Variants in DGKB observed in about 807,000 individuals in gnomAD.
DGKB encodes diacylglycerol kinase beta.
Under a neutral mutation model 114.3 loss-of-function variants are expected in DGKB, and 67 were observed. That is an observed-to-expected ratio of 0.59 (90% CI 0.48 to 0.72). DGKB has a LOEUF of 0.72. DGKB is among the 30% of genes least tolerant of loss of function. The probability of loss-of-function intolerance (pLI) is 0.00; values close to 1 mark genes in which losing one functional copy is unlikely to be tolerated. For synonymous variants in DGKB, 398 were observed against 323.1 expected, an observed-to-expected ratio of 1.23 and a Z score of -2.49; for missense variants, 907 against 975.2, an observed-to-expected ratio of 0.93 and a Z score of 0.93.
At chr7:14,703,497 C>A (rs1217793248) in intron 6 of DGKB, among the ~76,000 whole-genome samples, 1 of 152,142 alleles carries the variant, frequency 6.6e-6, no homozygotes, top group Non-Finnish European at 1.5e-5. Flanking sequence ...ACTCTAGATA[C>A]CTTTTCTTTA....
At chr7:14,153,445 T>A (rs1782520896) in intron 25 of DGKB, among the ~76,000 whole-genome samples, 1 of 152,020 alleles carries the variant, frequency 6.6e-6, no homozygotes, top group Non-Finnish European at 1.5e-5. Flanking sequence ...CTAACAACTC[T>A]GGGAGGTAGC....
At chr7:14,382,600 A>G (rs960270115) in intron 21 of DGKB, among the ~76,000 whole-genome samples, 1 of 152,216 alleles carries the variant, frequency 6.6e-6, no homozygotes, top group Non-Finnish European at 1.5e-5. Context: ...TAGAAAATTT[A>G]CTGCTGTATT....
At chr7:14,747,685 C>A (rs1833502527) in intron 4 of DGKB, among the ~76,000 whole-genome samples, 2 of 151,592 alleles carry the variant, frequency 1.3e-5, no homozygotes, top group Admixed American at 6.6e-5. Context: ...ATATGCATAT[C>A]AATGAAGCCA....
intron 21 of DGKB, among the ~76,000 whole-genome samples, chr7:14,356,638 G>A (rs954364454): frequency 6.6e-6 from 1 of 151,942 alleles, no homozygotes; most frequent in Non-Finnish European, 1.5e-5. Flanking sequence ...GGGATTACAG[G>A]CGTGAGCCAC....
chr7:14,561,698 G>A (rs1174046017), intron 20 of DGKB, among the ~76,000 whole-genome samples: 1 of 152,170 alleles, frequency 6.6e-6, no homozygotes, highest in Non-Finnish European at 1.5e-5. Flanking sequence ...AGAGATCTGT[G>A]GGGCTTTGAA....
intron 21 of DGKB, among the ~76,000 whole-genome samples, chr7:14,470,327 G>A (rs1450752440): frequency 6.6e-6 from 1 of 151,804 alleles, no homozygotes; most frequent in Admixed American, 6.6e-5. Context: ...AAAAGATAGT[G>A]ACATATACAC....
intron 2 of DGKB, among the ~76,000 whole-genome samples, chr7:14,833,573 T>C (rs1025916107): frequency 2.6e-5 from 4 of 152,132 alleles, no homozygotes; most frequent in African/African-American, 4.8e-5. Context: ...ATTTCATTGT[T>C]AGGCAATGTT....
intron 2 of DGKB, among the ~76,000 whole-genome samples, chr7:14,822,433 T>C (rs1845072153): frequency 6.6e-6 from 1 of 152,038 alleles, no homozygotes; most frequent in African/African-American, 2.4e-5. Flanking sequence ...AAATTATGGA[T>C]CTAGAAGCGA....
intron 20 of DGKB, among the ~76,000 whole-genome samples, chr7:14,514,975 T>A (rs1318078270): frequency 1.3e-5 from 2 of 151,870 alleles, no homozygotes; most frequent in Admixed American, 6.6e-5. Flanking sequence ...ACCCAGGAGG[T>A]CAAGGCTATA....
At chr7:14,810,890 T>A (rs1487005223) in intron 2 of DGKB, among the ~76,000 whole-genome samples, 6 of 152,192 alleles carry the variant, frequency 3.9e-5, no homozygotes, top group Non-Finnish European at 8.8e-5. Context: ...ATTACAAGTG[T>A]GAGTCACGGC....
intron 23 of DGKB, among the ~76,000 whole-genome samples, chr7:14,294,721 C>G (rs1277445058): frequency 6.6e-6 from 1 of 152,068 alleles, no homozygotes; most frequent in Admixed American, 6.6e-5. Flanking sequence ...TTTGTTGCAA[C>G]CTATTATCTG....
chr7:14,708,934 G>A (rs928707428), intron 6 of DGKB, among the ~76,000 whole-genome samples: 5 of 151,292 alleles, frequency 3.3e-5, no homozygotes, highest in African/African-American at 1.2e-4. Context: ...AACACCAAAA[G>A]CAATGGCAAC....
chr7:14,631,522 G>A (rs902247719), intron 13 of DGKB, among the ~76,000 whole-genome samples: 5 of 151,988 alleles, frequency 3.3e-5, no homozygotes, highest in East Asian at 1.9e-4. Flanking sequence ...GCCACGAAGT[G>A]GAAGAGTATG....
chr7:14,305,675 T>G (rs1399379513), intron 23 of DGKB, among the ~76,000 whole-genome samples: 1 of 152,182 alleles, frequency 6.6e-6, no homozygotes, highest in Non-Finnish European at 1.5e-5. Flanking sequence ...ACGGTCTTCC[T>G]GGCAGTGGTC....
At chr7:14,924,271 G>T (rs1021774992) in intron 1 of DGKB, among the ~76,000 whole-genome samples, 1 of 152,012 alleles carries the variant, frequency 6.6e-6, no homozygotes, top group Non-Finnish European at 1.5e-5. Context: ...TGTCCTACGC[G>T]TTCTAATATT....
At chr7:14,447,515 T>C (rs1258411357) in intron 21 of DGKB, among the ~76,000 whole-genome samples, 1 of 152,150 alleles carries the variant, frequency 6.6e-6, no homozygotes, top group Non-Finnish European at 1.5e-5. Context: ...TGTGTTGATA[T>C]ACACTGATAA....
intron 21 of DGKB, among the ~76,000 whole-genome samples, chr7:14,403,669 T>A (rs749354554): frequency 3.9e-5 from 6 of 152,000 alleles, no homozygotes; most frequent in Non-Finnish European, 8.8e-5. Context: ...TAGTTTTCAA[T>A]AAGGAAGTAA....
At chr7:14,803,982 A>T (rs1469985887) in intron 2 of DGKB, among the ~76,000 whole-genome samples, 1 of 152,084 alleles carries the variant, frequency 6.6e-6, no homozygotes, top group South Asian at 2.1e-4. Context: ...CTTTTGAAAC[A>T]TAAAGAAATT....
chr7:14,821,538 A>G (rs1041696721), intron 2 of DGKB, among the ~76,000 whole-genome samples: 1 of 152,190 alleles, frequency 6.6e-6, no homozygotes, highest in Non-Finnish European at 1.5e-5. Flanking sequence ...AAAAATAAAA[A>G]TAAAAATATA....
Sources: gnomAD v4.1 joint callset for allele counts (sites outside exome capture counted in the v4.1 genomes callset) on GRCh38, gnomAD v4.1.1 for gene constraint, MANE v1.5 for transcripts, NCBI Gene and HGNC (gene_info 2026-07-23, HGNC 2026-07-21) for gene names.